GMDS: variants seen among roughly 807,000 people sequenced by gnomAD.
GMDS encodes the protein GDP-mannose 4,6-dehydratase.
A neutral mutation model predicts 49.9 loss-of-function variants in GMDS; 20 were observed. The ratio of observed to expected loss-of-function variants is 0.40; its 90% CI spans 0.28 to 0.58. The LOEUF is 0.58. Ranked by LOEUF, GMDS falls within the 20% of genes least tolerant of loss-of-function variation. The probability of loss-of-function intolerance (pLI) is 0.42; values close to 1 mark genes in which losing one functional copy is unlikely to be tolerated. For synonymous variants in GMDS, 177 were observed against 178.6 expected (o/e 0.99, Z 0.07); for missense variants, 362 against 481.4 (o/e 0.75, Z 2.32).
At chr6:1,848,475 C>T (rs1231413337) in intron 7 of GMDS, among the ~76,000 whole-genome samples, 1 of 152,198 alleles carries the variant, frequency 6.6e-6, no homozygotes, top group Non-Finnish European at 1.5e-5. Context: ...ACTCTCGTCA[C>T]CTCTCTTGAC....
At chr6:2,047,242 C>A (rs905487661) in intron 4 of GMDS, among the ~76,000 whole-genome samples, 2 of 152,164 alleles carry the variant, frequency 1.3e-5, no homozygotes, top group Non-Finnish European at 2.9e-5. Flanking sequence ...TCTCTTTGTA[C>A]TGCCCTGCAT....
chr6:2,183,287 A>G (rs234917), intron 1 of GMDS, among the ~76,000 whole-genome samples: 23,797 of 152,168 alleles, frequency 0.16, 4,241 homozygotes, highest in African/African-American at 0.43. Flanking sequence ...TTCATGGAAA[A>G]GGGTCAAAAT....
intron 4 of GMDS, among the ~76,000 whole-genome samples, chr6:1,998,397 G>A (rs1581487839): frequency 6.6e-6 from 1 of 151,928 alleles, no homozygotes; most frequent in South Asian, 2.1e-4. Flanking sequence ...GGAAAGGAAG[G>A]AAAAGGAGGG....
At chr6:2,194,302 A>G (rs1294021016) in intron 1 of GMDS, among the ~76,000 whole-genome samples, 1 of 152,266 alleles carries the variant, frequency 6.6e-6, no homozygotes, top group East Asian at 1.9e-4. Flanking sequence ...ACATTAAAGC[A>G]GAGAGAAATG....
At chr6:2,052,277 T>C (rs1387999570) in intron 4 of GMDS, among the ~76,000 whole-genome samples, 2 of 152,140 alleles carry the variant, frequency 1.3e-5, no homozygotes, top group Non-Finnish European at 2.9e-5. Flanking sequence ...TGTTATCTCT[T>C]CCTAAGAATT....
intron 1 of GMDS, among the ~76,000 whole-genome samples, chr6:2,220,180 G>A (rs1234985190): frequency 6.6e-6 from 1 of 152,208 alleles, no homozygotes; most frequent in African/African-American, 2.4e-5. Context: ...AAGCCATCCA[G>A]CAGAACGCCT....
At chr6:1,763,424 C>T (rs1422635405) in intron 7 of GMDS, among the ~76,000 whole-genome samples, 1 of 152,208 alleles carries the variant, frequency 6.6e-6, no homozygotes, top group African/African-American at 2.4e-5. Flanking sequence ...CCCAGCGTCT[C>T]CCCAAGAGTA....
At chr6:1,951,680 A>AG (rs34175620) in intron 6 of GMDS, among the ~76,000 whole-genome samples, 100,203 of 151,942 alleles carry the variant, frequency 0.66, 33,205 homozygotes, top group African/African-American at 0.74. Context: ...TACAAGCATG[A>AG]CCACCATGCC....
intron 4 of GMDS, among the ~76,000 whole-genome samples, chr6:2,075,611 T>A (rs992010982): frequency 7.2e-5 from 11 of 152,190 alleles, no homozygotes; most frequent in African/African-American, 1.7e-4. Context: ...GCTACATAGT[T>A]TTCCATGGTG....
intron 4 of GMDS, among the ~76,000 whole-genome samples, chr6:2,084,349 C>T (rs2127470711): frequency 6.6e-6 from 1 of 152,210 alleles, no homozygotes; most frequent in Admixed American, 6.5e-5. Flanking sequence ...CCTTTTTCAT[C>T]AAGTGGTTGG....
At chr6:2,024,227 C>T (rs1416420602) in intron 4 of GMDS, among the ~76,000 whole-genome samples, 2 of 152,142 alleles carry the variant, frequency 1.3e-5, no homozygotes, top group Middle Eastern at 6.8e-3. Context: ...AAAGTAAAAG[C>T]AAAATAGAGA....
At chr6:2,202,927 C>A (rs954961677) in intron 1 of GMDS, among the ~76,000 whole-genome samples, 9 of 152,036 alleles carry the variant, frequency 5.9e-5, no homozygotes, top group African/African-American at 2.2e-4. Context: ...AGAAAGTCAC[C>A]CTGAATCAAG....
chr6:1,828,576 A>G (rs747787236), intron 7 of GMDS, among the ~76,000 whole-genome samples: 1 of 152,242 alleles, frequency 6.6e-6, no homozygotes, highest in Admixed American at 6.5e-5. Flanking sequence ...GGGATCTTCA[A>G]TATGATTATC....
chr6:1,802,726 C>T (rs1156896065), intron 7 of GMDS, among the ~76,000 whole-genome samples: 1 of 152,232 alleles, frequency 6.6e-6, no homozygotes, highest in African/African-American at 2.4e-5. Flanking sequence ...GCTGAATGAA[C>T]TTACTGTTAC....
At chr6:1,938,991 TCTCCTCTC>T (rs1464559478) in intron 6 of GMDS, among the ~76,000 whole-genome samples, 3 of 110,680 alleles carry the variant, frequency 2.7e-5, no homozygotes, top group African/African-American at 1.1e-4. Context: ...TCCTCTCTCC[TCTCCTCTC>T]CTCTTCTCTT....
At chr6:1,839,709 C>A (rs1314588134) in intron 7 of GMDS, among the ~76,000 whole-genome samples, 1 of 152,172 alleles carries the variant, frequency 6.6e-6, no homozygotes, top group East Asian at 1.9e-4. Flanking sequence ...TCATGGGCTT[C>A]ACAATGAGCT....
At chr6:1,960,369 T>G (rs961478247) in intron 5 of GMDS, among the ~76,000 whole-genome samples, 1 of 130,172 alleles carries the variant, frequency 7.7e-6, no homozygotes, top group African/African-American at 3.4e-5. Flanking sequence ...TTAGACACAA[T>G]AGTCTTTTTT....
intron 1 of GMDS, among the ~76,000 whole-genome samples, chr6:2,141,774 C>CTT (rs1277879794): frequency 6.6e-6 from 1 of 152,120 alleles, no homozygotes; most frequent in East Asian, 1.9e-4. Context: ...CAGCCACACA[C>CTT]TGTGGCCCTG....
chr6:1,708,316 C>G (rs534414007), intron 9 of GMDS, among the ~76,000 whole-genome samples: 1 of 152,318 alleles, frequency 6.6e-6, no homozygotes, highest in Admixed American at 6.5e-5. Context: ...GGCAGCATTC[C>G]CAGCAGGCAG....
Sources: gnomAD v4.1 joint callset for allele counts (sites outside exome capture counted in the v4.1 genomes callset) on GRCh38, gnomAD v4.1.1 for gene constraint, MANE v1.5 for transcripts, NCBI Gene and HGNC (gene_info 2026-07-23, HGNC 2026-07-21) for gene names.